Variants in LIMCH1 observed in about 807,000 individuals in gnomAD.
The protein encoded by LIMCH1 is LIM and calponin homology domains 1.
Under a neutral mutation model 176.5 loss-of-function variants are expected in LIMCH1, and 113 were observed. That is an observed-to-expected ratio of 0.64 (90% CI 0.55 to 0.75). The LOEUF (loss-of-function observed/expected upper bound fraction) is 0.75, where lower values mean the gene tolerates loss of function less well. Ranked by LOEUF, LIMCH1 falls within the 30% of genes least tolerant of loss-of-function variation. The probability of loss-of-function intolerance (pLI) is 0.00; values close to 1 mark genes in which losing one functional copy is unlikely to be tolerated. For missense variants in LIMCH1, 1,674 were observed against 1,814.9 expected, an observed-to-expected ratio of 0.92 and a Z score of 1.41; for synonymous variants, 619 against 645.9, an observed-to-expected ratio of 0.96 and a Z score of 0.63.
intron 1 of LIMCH1, among the ~76,000 whole-genome samples, chr4:41,573,651 T>G (rs1047008059): frequency 6.6e-6 from 1 of 152,256 alleles, no homozygotes; most frequent in African/African-American, 2.4e-5. Flanking sequence ...TGGTTGCTAT[T>G]TTTAAGCTAC....
At chr4:41,469,290 C>T (rs745744068) in intron 1 of LIMCH1, among the ~76,000 whole-genome samples, 1 of 152,312 alleles carries the variant, frequency 6.6e-6, no homozygotes, top group Non-Finnish European at 1.5e-5. Context: ...AGATCTGTTA[C>T]GTTCTTCTAG....
At chr4:41,393,258 C>T (rs920358976) in intron 1 of LIMCH1, among the ~76,000 whole-genome samples, 2 of 152,136 alleles carry the variant, frequency 1.3e-5, no homozygotes, top group African/African-American at 2.4e-5. Flanking sequence ...TGTGTACTCT[C>T]CTACCTGCTT....
intron 4 of LIMCH1, among the ~76,000 whole-genome samples, chr4:41,610,345 C>A (rs2091278238): frequency 6.6e-6 from 1 of 152,230 alleles, no homozygotes; most frequent in South Asian, 2.1e-4. Context: ...CAGATGTGAC[C>A]AGCGGTCCGC....
chr4:41,483,428 A>G (rs144456943), intron 1 of LIMCH1, among the ~76,000 whole-genome samples: 1 of 152,276 alleles, frequency 6.6e-6, no homozygotes, highest in African/African-American at 2.4e-5. Flanking sequence ...TAGGAGCAAC[A>G]AGCAAAATGT....
intron 1 of LIMCH1, among the ~76,000 whole-genome samples, chr4:41,591,512 G>C (rs1263923445): frequency 6.6e-6 from 1 of 152,098 alleles, no homozygotes; most frequent in Non-Finnish European, 1.5e-5. Context: ...TCAAAGCACT[G>C]GCAGTACAAG....
chr4:41,552,630 G>A (rs2080627148), intron 1 of LIMCH1, among the ~76,000 whole-genome samples: 1 of 152,148 alleles, frequency 6.6e-6, no homozygotes, highest in Non-Finnish European at 1.5e-5. Flanking sequence ...GTGACACAAA[G>A]TATTCAAATT....
intron 18 of LIMCH1, among the ~76,000 whole-genome samples, chr4:41,656,413 G>A (rs2094465162): frequency 6.6e-6 from 1 of 152,092 alleles, no homozygotes; most frequent in South Asian, 2.1e-4. Context: ...AGTCATTAAA[G>A]ATATTTAGAT....
rs185543862 is a variant in LIMCH1, at chr4:41,657,768, G to A, written c.3037-3652G>A. The stretch of plus-strand genomic sequence containing the variant: ...TATTTATTTACTTAACAAGGATTAC[G>A]CATGTATCTGGCCGCTAATTCCTCA... On this transcript the variant is annotated intron_variant, in intron 18 of 31. Coordinates refer to ENST00000503057, the MANE Select transcript of LIMCH1 (RefSeq NM_001330672.2). 2.6e-5 allele frequency among the ~76,000 whole-genome samples: 4 copies of A among 152,170 alleles called. No homozygotes were observed. In the East Asian group the frequency reaches 5.8e-4, roughly 22 times the overall value.
chr4:41,585,392 A>G (rs746769163), intron 1 of LIMCH1, among the ~76,000 whole-genome samples: 10 of 152,198 alleles, frequency 6.6e-5, no homozygotes, highest in Non-Finnish European at 1.3e-4. Context: ...TCATCTCTTT[A>G]TAACGCTAAA....
chr4:41,583,555 T>A (rs2085903719), intron 1 of LIMCH1, among the ~76,000 whole-genome samples: 1 of 152,116 alleles, frequency 6.6e-6, no homozygotes, highest in East Asian at 1.9e-4. Context: ...TTGAATATAC[T>A]TTTTTTTCAA....
chr4:41,525,857 A>G (rs1329310656), intron 3 of LIMCH1, among the ~76,000 whole-genome samples: 2 of 152,152 alleles, frequency 1.3e-5, no homozygotes, highest in African/African-American at 4.8e-5. Context: ...CCCTAAGCCT[A>G]TGGCAACTCT....
intron 1 of LIMCH1, among the ~76,000 whole-genome samples, chr4:41,591,634 T>G (rs1286466344): frequency 2.0e-5 from 3 of 151,816 alleles, no homozygotes; most frequent in Non-Finnish European, 2.9e-5. Flanking sequence ...CATTTTAATA[T>G]TTTCCACCTA....
intron 1 of LIMCH1, among the ~76,000 whole-genome samples, chr4:41,482,019 T>G (rs2068736040): frequency 1.3e-5 from 2 of 151,964 alleles, no homozygotes; most frequent in Non-Finnish European, 2.9e-5. Context: ...GCTGGCTAAT[T>G]TTTGTATTTT....
chr4:41,671,075 ATT>A, intron 21 of LIMCH1: 32 of 723,954 alleles, frequency 4.4e-5, no homozygotes, highest in South Asian at 6.3e-5. Context: ...AAAAAAAAAG[ATT>A]AAAAGCATTT....
chr4:41,693,209 T>TTTTAAAAAGAG (rs1491581676), intron 31 of LIMCH1: 4 of 152,206 alleles, frequency 2.6e-5, no homozygotes, highest in Non-Finnish European at 5.9e-5. Flanking sequence ...TCAGAAACTC[T>TTTTAAAAAGAG]TTTAAAAAAT....
At chr4:41,581,836 G>A (rs113592595) in intron 1 of LIMCH1, among the ~76,000 whole-genome samples, 1,852 of 135,710 alleles carry the variant, frequency 0.014, 45 homozygotes, top group African/African-American at 0.047. Flanking sequence ...AAAAACAACA[G>A]CAAAACTCCA....
intron 9 of LIMCH1, 115 bp downstream of exon 9, chr4:41,629,849 C>T: frequency 8.0e-7 from 1 of 1,245,156 alleles, no homozygotes; most frequent in East Asian, 2.6e-5. Flanking sequence ...GCTCTGTTGC[C>T]CAGGCTGGAA....
At chr4:41,482,031 AG>A (rs1387131652) in intron 1 of LIMCH1, among the ~76,000 whole-genome samples, 3 of 151,840 alleles carry the variant, frequency 2.0e-5, no homozygotes, top group Non-Finnish European at 4.4e-5. Flanking sequence ...TTGTATTTTT[AG>A]TAGAGATGGG....
rs775818706 is a variant in LIMCH1 at position 41,644,555 on chromosome 4, A to G, written c.2182A>G (p.Ser728Gly). Residue 728 changes from serine to glycine, a missense_variant, in exon 15 of 32, where the codon AGC (serine) becomes GGC (glycine). Ser to Gly is a moderately conservative substitution (Grantham distance 56). This residue lies in a region of LIMCH1 where 1,015 missense variants were observed against 1,102.5 expected (regional missense o/e 0.92). Coordinates refer to ENST00000503057, the MANE Select transcript of LIMCH1 (RefSeq NM_001330672.2). ...GGAGGAGGCCGCGGTGCAGCCGCAC[A>G]GCAGGGCCCGCCAGGAGCAGCTGCA... Reference protein sequence around the residue: ...CEEEAAVQPHSRARQEQLQLI... With the variant: ...CEEEAAVQPHGRARQEQLQLI... 9.3e-6 allele frequency: 15 copies of G among 1,606,494 alleles called. No homozygotes were observed. In the African/African-American group the frequency reaches 2.0e-4, roughly 21 times the overall value.
Sources: gnomAD v4.1 joint callset for allele counts (sites outside exome capture counted in the v4.1 genomes callset) on GRCh38, gnomAD v4.1.1 for gene constraint, gnomAD v4.1.1 regional missense constraint, MANE v1.5 for transcripts, NCBI Gene and HGNC (gene_info 2026-07-23, HGNC 2026-07-21) for gene names.